Variants in FAM185A observed in about 807,000 individuals in gnomAD.
FAM185A encodes the protein protein FAM185A.
In FAM185A, 21 loss-of-function variants were observed where a neutral mutation model predicts 45.7. The observed-to-expected ratio is 0.46, with a 90% CI of 0.33 to 0.66. The LOEUF is 0.66. Among genes scored for constraint, FAM185A ranks in the 30% least tolerant of loss-of-function variants. FAM185A has a pLI of 0.03. For synonymous variants in FAM185A, 117 were observed against 194.0 expected, an observed-to-expected ratio of 0.60 and a Z score of 3.30; for missense variants, 305 against 485.4, an observed-to-expected ratio of 0.63 and a Z score of 3.49.
At chr7:102,815,302 T>C in the FAM185A span, among the ~76,000 whole-genome samples, 2 of 152,196 alleles carry the variant, frequency 1.3e-5, no homozygotes, top group African/African-American at 4.8e-5. Context: ...AATTTTAAAC[T>C]TTGTTATTTT....
At chr7:102,819,326 C>T in the FAM185A span, among the ~76,000 whole-genome samples, 1 of 152,090 alleles carries the variant, frequency 6.6e-6, no homozygotes, top group Non-Finnish European at 1.5e-5. Context: ...CTTGCATCCA[C>T]ACGGTGCTTC....
intron 2 of FAM185A, among the ~76,000 whole-genome samples, chr7:102,753,833 A>G (rs1793520096): frequency 6.6e-6 from 1 of 152,212 alleles, no homozygotes; most frequent in African/African-American, 2.4e-5. Flanking sequence ...TAATTACAGG[A>G]TAGAAAGAGT....
chr7:102,836,477 A>G, the FAM185A span, among the ~76,000 whole-genome samples: 3 of 152,224 alleles, frequency 2.0e-5, no homozygotes, highest in Admixed American at 6.5e-5. Flanking sequence ...TCTGGCTCCA[A>G]TGCTGCAGAA....
chr7:102,821,858 T>C, the FAM185A span, among the ~76,000 whole-genome samples: 2 of 152,148 alleles, frequency 1.3e-5, no homozygotes, highest in South Asian at 2.1e-4. Flanking sequence ...GGAAAAGGGA[T>C]AGGAAACCAC....
the FAM185A span, chr7:102,834,457 A>T: frequency 1.0e-4 from 5 of 49,810 alleles, no homozygotes; most frequent in African/African-American, 1.8e-4. Context: ...ATATGTGATT[A>T]TATATATATA....
At chr7:102,786,755 C>T (rs1266193160) in intron 6 of FAM185A, among the ~76,000 whole-genome samples, 1 of 151,756 alleles carries the variant, frequency 6.6e-6, no homozygotes, top group Non-Finnish European at 1.5e-5. Flanking sequence ...GTGCAGCACA[C>T]CAACATGGCA....
At chr7:102,843,785 A>T in the FAM185A span, among the ~76,000 whole-genome samples, 1 of 152,216 alleles carries the variant, frequency 6.6e-6, no homozygotes, top group African/African-American at 2.4e-5. Context: ...TAATAAAAAA[A>T]ATAAAATAAT....
intron 4 of FAM185A, among the ~76,000 whole-genome samples, chr7:102,765,149 G>A (rs997177773): frequency 2.0e-5 from 3 of 152,192 alleles, no homozygotes; most frequent in Admixed American, 2.0e-4. Context: ...TTTTTAAACA[G>A]TGAACTTGAT....
At chr7:102,825,600 T>C in the FAM185A span, among the ~76,000 whole-genome samples, 1 of 152,198 alleles carries the variant, frequency 6.6e-6, no homozygotes, top group Admixed American at 6.5e-5. Context: ...CTTTTGTGGC[T>C]CTTGTTTACG....
intron 7 of FAM185A, among the ~76,000 whole-genome samples, chr7:102,804,669 A>G (rs1797001737): frequency 6.6e-6 from 1 of 151,982 alleles, no homozygotes; most frequent in Non-Finnish European, 1.5e-5. Context: ...CAATAAAAAC[A>G]AAGATAAATA....
the FAM185A span, chr7:102,833,113 A>G: frequency 1.2e-6 from 1 of 869,000 alleles, no homozygotes; most frequent in Non-Finnish European, 1.7e-6. Flanking sequence ...AATAATTTAA[A>G]AAACCCATGT....
the FAM185A span, among the ~76,000 whole-genome samples, chr7:102,838,136 C>T: frequency 6.6e-6 from 1 of 152,184 alleles, no homozygotes; most frequent in Non-Finnish European, 1.5e-5. Flanking sequence ...AGAGCACAGT[C>T]TGGGGGCCCA....
chr7:102,780,095 G>C (rs1795314137), intron 6 of FAM185A, among the ~76,000 whole-genome samples: 1 of 151,926 alleles, frequency 6.6e-6, no homozygotes, highest in Admixed American at 6.6e-5. Context: ...AGTTTGTCAT[G>C]CTTATCTCAA....
intron 7 of FAM185A, among the ~76,000 whole-genome samples, chr7:102,804,771 C>G (rs796989149): frequency 6.6e-6 from 1 of 151,808 alleles, no homozygotes; most frequent in Non-Finnish European, 1.5e-5. Flanking sequence ...AGAAAATCTT[C>G]ACAATCTATA....
At chr7:102,848,988 G>A in the FAM185A span, among the ~76,000 whole-genome samples, 4 of 152,050 alleles carry the variant, frequency 2.6e-5, no homozygotes, top group East Asian at 1.9e-4. Flanking sequence ...CAACAAGAGC[G>A]AAACTCCATC....
At chr7:102,808,175 T>A (rs1584377079) in intron 7 of FAM185A, 115 bp from the exon 8 acceptor site, 1 of 730,778 alleles carries the variant, frequency 1.4e-6, no homozygotes, top group East Asian at 2.7e-5. Context: ...GTTCAGACTA[T>A]CTTTACCAAG....
chr7:102,826,031 T>C, the FAM185A span, among the ~76,000 whole-genome samples: 1 of 152,224 alleles, frequency 6.6e-6, no homozygotes, highest in Non-Finnish European at 1.5e-5. Flanking sequence ...TCATCTCCTT[T>C]GCCATTAATA....
chr7:102,811,905 A>G (rs945377226), downstream of FAM185A, among the ~76,000 whole-genome samples: 7 of 152,196 alleles, frequency 4.6e-5, no homozygotes, highest in African/African-American at 7.2e-5. Context: ...TTGCAAGTCA[A>G]CCTCAGTGGG....
At chr7:102,843,682 A>G in the FAM185A span, among the ~76,000 whole-genome samples, 1 of 152,190 alleles carries the variant, frequency 6.6e-6, no homozygotes, top group African/African-American at 2.4e-5. Flanking sequence ...AGGTTGAGAC[A>G]GGAGAATCGC....
Sources: gnomAD v4.1 joint callset for allele counts (sites outside exome capture counted in the v4.1 genomes callset) on GRCh38, gnomAD v4.1.1 for gene constraint, MANE v1.5 for transcripts, NCBI Gene and HGNC (gene_info 2026-07-23, HGNC 2026-07-21) for gene names.